The following CLTC variants were observed in gnomAD, a reference collection of about 807,000 sequenced individuals.
CLTC encodes clathrin heavy chain.
In CLTC, 16 loss-of-function variants were observed where a neutral mutation model predicts 195.8. That is an observed-to-expected ratio of 0.08 (90% CI 0.06 to 0.12). CLTC has a LOEUF of 0.12. Ranked by LOEUF, CLTC falls within the 10% of genes least tolerant of loss-of-function variation. The pLI, the probability that CLTC is intolerant of heterozygous loss-of-function variation, is 1.00. For missense variants in CLTC, 796 were observed against 2,027.0 expected (o/e 0.39, Z 11.66); for synonymous variants, 667 against 689.4 (o/e 0.97, Z 0.51).
chr17:59,681,948 T>C lies in CLTC; in HGVS notation c.3442+109T>C. 1 of 999,202 alleles carries C rather than the reference T, an allele frequency of 1.0e-6. No homozygotes were observed. Among genetic ancestry groups the C allele is most frequent in the Non-Finnish European group, 1.4e-6 (1 of 689,966 alleles). The allele number at this position is 999,202 out of a possible 1,614,324, so 61.9% of individuals were successfully genotyped here. ...AGAGTTGGATACTGCATGGTTTCTTTTAGTGCTCCATCTTAGTCCAGATAA... is the reference window on the plus strand; with the variant it reads ...AGAGTTGGATACTGCATGGTTTCTTCTAGTGCTCCATCTTAGTCCAGATAA... On this transcript the variant is annotated intron_variant, in intron 21 of 31. Coordinates refer to ENST00000269122, the MANE Select transcript of CLTC (RefSeq NM_004859.4). This position sits in a 1 kb window ranked among gnomAD's most constrained non-coding sequence, Gnocchi z 5.0.
At chr17:59,633,050 GTCATTTTAATCAT>G (rs2143461838) in intron 1 of CLTC, among the ~76,000 whole-genome samples, 1 of 151,972 alleles carries the variant, frequency 6.6e-6, no homozygotes, top group Admixed American at 6.6e-5. Context: ...TCATTTTAAT[GTCATTTTAATCAT>G]TTTAATGTCA....
chr17:59,682,250 T>G lies in CLTC; in HGVS notation c.3443-21T>G, dbSNP rs367664207. On this transcript the variant is annotated intron_variant, in intron 21 of 31. Transcript: ENST00000269122. The surrounding 1 kb of genome is among the most constrained non-coding windows in gnomAD (Gnocchi z 6.8). ...CTAGGATGTTAGTGTTTGGATATATTTTTTCTTTTTCTATACTTAGGAAAC... is the reference window on the plus strand; with the variant it reads ...CTAGGATGTTAGTGTTTGGATATATGTTTTCTTTTTCTATACTTAGGAAAC... 2.5e-6 allele frequency: 4 copies of G among 1,600,008 alleles called. No individual in the cohort carries two copies. Among genetic ancestry groups the G allele is most frequent in the Non-Finnish European group, 3.4e-6 (4 of 1,174,144 alleles).
intron 14 of CLTC, 100 bp from the exon 15 acceptor site, chr17:59,673,547 G>A: frequency 1.2e-6 from 1 of 820,162 alleles, no homozygotes; most frequent in South Asian, 1.8e-5. Context: ...ATGTTTGTGT[G>A]AGCCTCTCTT....
chr17:59,624,337 G>T (rs1251050109), intron 1 of CLTC, among the ~76,000 whole-genome samples: 1 of 152,050 alleles, frequency 6.6e-6, no homozygotes, highest in Non-Finnish European at 1.5e-5. Context: ...GCCCAGAGAG[G>T]TGAGTTCTCT....
chr17:59,632,835 CCT>C (rs1271254003), intron 1 of CLTC, among the ~76,000 whole-genome samples: 1 of 152,256 alleles, frequency 6.6e-6, no homozygotes, highest in African/African-American at 2.4e-5. Flanking sequence ...CCCCAAAGAG[CCT>C]CTGAGAGCCT....
intron 1 of CLTC, among the ~76,000 whole-genome samples, chr17:59,640,560 G>A (rs899698851): frequency 5.3e-5 from 8 of 151,682 alleles, no homozygotes; most frequent in Middle Eastern, 3.2e-3. Flanking sequence ...CCATGGGCCC[G>A]GCTAATATTT....
intron 1 of CLTC, among the ~76,000 whole-genome samples, chr17:59,627,338 C>G (rs1463870215): frequency 2.6e-5 from 4 of 152,176 alleles, no homozygotes; most frequent in Non-Finnish European, 4.4e-5. Flanking sequence ...TGTTTATTAT[C>G]TCATTTAATT....
intron 5 of CLTC, among the ~76,000 whole-genome samples, chr17:59,653,355 G>A (rs1329948536): frequency 1.3e-5 from 2 of 151,044 alleles, no homozygotes; most frequent in Admixed American, 6.6e-5. Flanking sequence ...CACCACCCTC[G>A]GCTAATTTTT....
chr17:59,686,486 C>G (rs974943121), intron 30 of CLTC, among the ~76,000 whole-genome samples: 1 of 152,034 alleles, frequency 6.6e-6, no homozygotes, highest in South Asian at 2.1e-4. Context: ...AAATCAGAGT[C>G]TCACATCTGA....
At chr17:59,664,055 C>A in intron 9 of CLTC, 61 bp downstream of exon 9, 1 of 1,382,332 alleles carries the variant, frequency 7.2e-7, no homozygotes, top group South Asian at 1.3e-5. Flanking sequence ...GAGAAATTAG[C>A]CTGTATTAAC....
Position 59,683,834 on chromosome 17 carries a change from C to G in CLTC, c.4324-41C>G, listed in dbSNP as rs778805114. On this transcript the variant is annotated intron_variant, in intron 27 of 31. Transcript: ENST00000269122. This position sits in a 1 kb window ranked among gnomAD's most constrained non-coding sequence, Gnocchi z 6.1. ...TCGATAACTTTTGTCCCTGGGACTTCAATAATGTGCTATATTTGTAACAAA... is the reference window on the plus strand; with the variant it reads ...TCGATAACTTTTGTCCCTGGGACTTGAATAATGTGCTATATTTGTAACAAA... 6.2e-7 allele frequency: 1 copy of G among 1,609,884 alleles called. No individual in the cohort carries two copies.
At chr17:59,629,989 A>G (rs565221063) in intron 1 of CLTC, among the ~76,000 whole-genome samples, 142 of 152,250 alleles carry the variant, frequency 9.3e-4, no homozygotes, top group African/African-American at 3.2e-3. Flanking sequence ...GCATATGCAG[A>G]GTTTAAATAT....
chr17:59,629,072 CAA>C (rs1291954375), intron 1 of CLTC, among the ~76,000 whole-genome samples: 7 of 152,028 alleles, frequency 4.6e-5, no homozygotes, highest in Non-Finnish European at 7.4e-5. Flanking sequence ...CTCTGCTTGG[CAA>C]ACAGCTGACT....
At position 59,662,608 on chromosome 17, in the gene CLTC, A is replaced by G. The variant is rs568955766; in HGVS notation, c.1368+965A>G. Among the ~76,000 whole-genome samples, 8 of 152,308 alleles carry G rather than the reference A, an allele frequency of 5.3e-5. No individual in the cohort carries two copies. The South Asian group carries it at 1.4e-3, about 28-fold the overall frequency. On this transcript the variant is annotated intron_variant, in intron 8 of 31. Transcript: ENST00000269122. Reference sequence around the variant, plus strand: ...ATGTTATTATTCTTTCAGCGTTAGTATATGTTAGGACTGTTTTTATATTAT... The same window carrying G: ...ATGTTATTATTCTTTCAGCGTTAGTGTATGTTAGGACTGTTTTTATATTAT...
At chr17:59,662,720 CA>C (rs1396909999) in intron 8 of CLTC, among the ~76,000 whole-genome samples, 1 of 152,142 alleles carries the variant, frequency 6.6e-6, no homozygotes, top group African/African-American at 2.4e-5. Context: ...GATACTTGGA[CA>C]GGAGTCTCTG....
intron 13 of CLTC, among the ~76,000 whole-genome samples, 164 bp from the exon 14 acceptor site, chr17:59,668,613 T>C (rs577534090): frequency 1.3e-5 from 2 of 152,334 alleles, no homozygotes; most frequent in East Asian, 3.9e-4. Context: ...GCAATCCATT[T>C]TACTGATCTG....
At chr17:59,680,281 T>C (rs2033056550) in intron 18 of CLTC, among the ~76,000 whole-genome samples, 1 of 152,166 alleles carries the variant, frequency 6.6e-6, no homozygotes, top group African/African-American at 2.4e-5. Context: ...TATATCTTAC[T>C]AATAAGAAGT....
chr17:59,691,650 C>T (rs891571198), intron 31 of CLTC, among the ~76,000 whole-genome samples: 10 of 140,640 alleles, frequency 7.1e-5, no homozygotes, highest in African/African-American at 7.9e-5. Flanking sequence ...TATATATATA[C>T]ATATATATAT....
Position 59,685,461 on chromosome 17 carries a change from C to T in CLTC, c.4606-126C>T. ...TTTGAAAATTTTAATTTAAATGATA[C>T]AACTAGGAGGCTTTTTTCCCCTTGC... On this transcript the variant is annotated intron_variant, in intron 29 of 31. Coordinates refer to ENST00000269122, the MANE Select transcript of CLTC (RefSeq NM_004859.4). The surrounding 1 kb of genome is among the most constrained non-coding windows in gnomAD (Gnocchi z 5.0). 5.5e-6 allele frequency: 5 copies of T among 914,190 alleles called. No individual in the cohort carries two copies. The highest frequency in any genetic ancestry group is 8.1e-6 in the Non-Finnish European group (5 of 617,304). The allele number at this position is 914,190 out of a possible 1,614,324, so 56.6% of individuals were successfully genotyped here. A position where few individuals can be genotyped will look rare whatever the true frequency, so the allele number is the denominator to read the frequency against.
Sources: allele counts gnomAD v4.1 joint callset (sites outside exome capture counted in the v4.1 genomes callset), GRCh38; gene constraint gnomAD v4.1.1; non-coding constraint Gnocchi (gnomAD v3.1); transcripts MANE v1.5; gene names NCBI Gene and HGNC (gene_info 2026-07-23, HGNC 2026-07-21).